Variants in SEMA3A observed in about 807,000 individuals in gnomAD.
SEMA3A encodes the protein semaphorin-3A.
In SEMA3A, 29 loss-of-function variants were observed where a neutral mutation model predicts 97.9. The observed-to-expected ratio is 0.30, with a 90% CI of 0.22 to 0.40. SEMA3A has a LOEUF of 0.40. Ranked by LOEUF, SEMA3A falls within the 10% of genes least tolerant of loss-of-function variation. The probability of loss-of-function intolerance (pLI) is 1.00; values close to 1 mark genes in which losing one functional copy is unlikely to be tolerated. For synonymous variants in SEMA3A, 321 were observed against 323.7 expected (o/e 0.99, Z 0.09); for missense variants, 763 against 951.3 (o/e 0.80, Z 2.60).
chr7:84,151,686 T>G (rs544489794), intron 1 of SEMA3A, among the ~76,000 whole-genome samples: 265 of 152,070 alleles, frequency 1.7e-3, no homozygotes, highest in African/African-American at 6.1e-3. Flanking sequence ...AAAGACAAAA[T>G]TGACAAATGG....
intron 3 of SEMA3A, among the ~76,000 whole-genome samples, chr7:84,226,682 A>G (rs1385664755): frequency 6.6e-6 from 1 of 152,076 alleles, no homozygotes; most frequent in Admixed American, 6.6e-5. Context: ...AATATTTACA[A>G]TCTTTCTGTA....
intron 1 of SEMA3A, among the ~76,000 whole-genome samples, chr7:84,374,302 C>G (rs1271355550): frequency 1.3e-5 from 2 of 151,994 alleles, no homozygotes; most frequent in African/African-American, 4.8e-5. Context: ...ATATTTATAC[C>G]CAAAGATGTT....
chr7:84,410,655 T>A (rs1804239243), intron 1 of SEMA3A, among the ~76,000 whole-genome samples: 1 of 152,180 alleles, frequency 6.6e-6, no homozygotes, highest in Non-Finnish European at 1.5e-5. Flanking sequence ...TCCCAGTGTA[T>A]TTATTGCTGC....
chr7:84,000,316 C>T (rs988233351), intron 12 of SEMA3A, among the ~76,000 whole-genome samples: 5 of 152,084 alleles, frequency 3.3e-5, no homozygotes, highest in Admixed American at 1.3e-4. Flanking sequence ...TAAATTAGAT[C>T]ACATTGATAC....
At chr7:83,977,374 C>T (rs540918949) in intron 14 of SEMA3A, among the ~76,000 whole-genome samples, 178 bp from the exon 15 acceptor site, 1 of 151,854 alleles carries the variant, frequency 6.6e-6, no homozygotes, top group South Asian at 2.1e-4. Context: ...TTCATTATAC[C>T]TGTAAGAGCA....
chr7:83,988,213 T>C (rs1319153623), intron 12 of SEMA3A, among the ~76,000 whole-genome samples: 1 of 151,914 alleles, frequency 6.6e-6, no homozygotes, highest in Non-Finnish European at 1.5e-5. Context: ...TCTTGTGTTT[T>C]TGTTGTTGTT....
intron 3 of SEMA3A, among the ~76,000 whole-genome samples, chr7:84,115,638 T>C (rs1795401104): frequency 6.6e-6 from 1 of 152,156 alleles, no homozygotes; most frequent in Non-Finnish European, 1.5e-5. Context: ...ATGTGTGCCA[T>C]TCATTTGCAT....
chr7:84,213,323 A>G (rs1798677060), intron 3 of SEMA3A, among the ~76,000 whole-genome samples: 1 of 151,696 alleles, frequency 6.6e-6, no homozygotes, highest in South Asian at 2.1e-4. Flanking sequence ...GTCATCCAGG[A>G]TGGAATGTAG....
intron 1 of SEMA3A, among the ~76,000 whole-genome samples, chr7:84,467,376 G>C (rs1336802728): frequency 2.0e-5 from 3 of 151,896 alleles, no homozygotes; most frequent in Non-Finnish European, 2.9e-5. Flanking sequence ...CAAAAAATTA[G>C]CTGGGTATGT....
chr7:84,313,352 GTGTGTATATATATA>G (rs1167924016), intron 2 of SEMA3A, among the ~76,000 whole-genome samples: 2,413 of 83,342 alleles, frequency 0.029, 181 homozygotes, highest in Non-Finnish European at 0.038. Context: ...GTATATGTGT[GTGTGTATATATATA>G]TATATATATA....
intron 6 of SEMA3A, among the ~76,000 whole-genome samples, chr7:84,043,115 C>A (rs1256259853): frequency 1.3e-5 from 2 of 151,956 alleles, no homozygotes; most frequent in African/African-American, 4.8e-5. Flanking sequence ...ATTGTTATAA[C>A]ATTTAGAAAC....
At chr7:84,134,255 T>C (rs1476740379) in intron 2 of SEMA3A, among the ~76,000 whole-genome samples, 1 of 152,200 alleles carries the variant, frequency 6.6e-6, no homozygotes, top group African/African-American at 2.4e-5. Context: ...ATCATTTTTG[T>C]AGACCAGTTG....
Position 84,158,148 on chromosome 7 carries a change from C to CTTTTTT in SEMA3A, c.113-23203_113-23198dup, listed in dbSNP as rs1187182577. 2.8e-3 allele frequency among the ~76,000 whole-genome samples: 228 copies of CTTTTTT among 82,244 alleles called. 1 individual carries two copies. Among genetic ancestry groups the CTTTTTT allele is most frequent in the Middle Eastern group, 0.014 (1 of 70 alleles). 54.0% of individuals were successfully genotyped at this position (82,244 alleles called of 152,430 possible). On this transcript the variant is annotated intron_variant, in intron 1 of 16. Coordinates refer to ENST00000265362, the MANE Select transcript of SEMA3A (RefSeq NM_006080.3). ...CTTATGCTTAATTTAACAGCTAATT[C>CTTTTTT]TTTTTTTTTTTTTTTTTTTTTTTTG...
At chr7:84,066,071 C>A (rs1012626976) in intron 4 of SEMA3A, among the ~76,000 whole-genome samples, 12 of 151,444 alleles carry the variant, frequency 7.9e-5, no homozygotes, top group Non-Finnish European at 1.8e-4. Context: ...GCTTATCCGC[C>A]ATGATCAAGT....
chr7:84,217,349 G>A (rs1798774361), intron 3 of SEMA3A, among the ~76,000 whole-genome samples: 1 of 152,274 alleles, frequency 6.6e-6, no homozygotes, highest in East Asian at 1.9e-4. Flanking sequence ...AAGATATGTT[G>A]ATGATGCATT....
intron 2 of SEMA3A, among the ~76,000 whole-genome samples, chr7:84,317,374 T>A (rs1472385213): frequency 6.6e-6 from 1 of 152,174 alleles, no homozygotes; most frequent in Non-Finnish European, 1.5e-5. Context: ...ATGCTATGTA[T>A]CAGTGACAGC....
intron 2 of SEMA3A, among the ~76,000 whole-genome samples, chr7:84,315,275 C>T (rs1801468299): frequency 6.6e-6 from 1 of 151,924 alleles, no homozygotes; most frequent in African/African-American, 2.4e-5. Flanking sequence ...ATTTTTTTAA[C>T]TCTTGAAAAT....
chr7:84,171,859 T>C (rs949081366), intron 1 of SEMA3A, among the ~76,000 whole-genome samples: 2 of 152,294 alleles, frequency 1.3e-5, no homozygotes, highest in South Asian at 2.1e-4. Flanking sequence ...ATAATTATTT[T>C]ATGTCTTTTG....
intron 4 of SEMA3A, among the ~76,000 whole-genome samples, chr7:84,076,768 T>C (rs554393998): frequency 6.6e-6 from 1 of 152,246 alleles, no homozygotes; most frequent in East Asian, 1.9e-4. Flanking sequence ...ATGTTACCCA[T>C]TCCCATTCTA....
Sources: gnomAD v4.1 joint callset for allele counts (sites outside exome capture counted in the v4.1 genomes callset) on GRCh38, gnomAD v4.1.1 for gene constraint, MANE v1.5 for transcripts, NCBI Gene and HGNC (gene_info 2026-07-23, HGNC 2026-07-21) for gene names.